The following NCOR2 variants were observed in gnomAD, a reference collection of about 807,000 sequenced individuals.
NCOR2 encodes CTG repeat protein 26.
In NCOR2, 81 loss-of-function variants were observed where a neutral mutation model predicts 262.9. The ratio of observed to expected loss-of-function variants is 0.31; its 90% CI spans 0.26 to 0.37. The LOEUF (loss-of-function observed/expected upper bound fraction) is 0.37, where lower values mean the gene tolerates loss of function less well. Ranked by LOEUF, NCOR2 falls within the 10% of genes least tolerant of loss-of-function variation. The pLI is 1.00. For synonymous variants in NCOR2, 1,659 were observed against 1,559.3 expected, an observed-to-expected ratio of 1.06 and a Z score of -1.51; for missense variants, 3,385 against 3,621.4, an observed-to-expected ratio of 0.93 and a Z score of 1.68.
At position 124,400,429 on chromosome 12, in the gene NCOR2, A is replaced by C. The variant is rs576746367; in HGVS notation, c.1813+72T>G. ...GTTGCCAATTAACTCAAATTGCACG[A>C]AACTTTCATATGAGCGCAACCCGCC... On this transcript the variant is annotated intron_variant, in intron 15 of 46. Transcript: ENST00000405201. 4.6e-4 allele frequency: 718 copies of C among 1,563,996 alleles called. 6 individuals carry two copies. The South Asian group carries it at 6.4e-3, about 14-fold the overall frequency.
rs2036996815 is a variant in NCOR2 at position 124,347,115 on chromosome 12, T to A, written c.4073-265A>T. On this transcript the variant is annotated intron_variant, in intron 30 of 46. Coordinates refer to ENST00000405201, the Ensembl canonical transcript of NCOR2. ...TGGGTGCAGTAGCTCACGCCTGTAA[T>A]CCCAACACTCTGGGGGGCTGCGGCA... Among the ~76,000 whole-genome samples, 4 of 152,348 alleles carry A rather than the reference T, an allele frequency of 2.6e-5. No homozygotes were observed. In the South Asian group the frequency reaches 8.3e-4, roughly 32 times the overall value.
At chr12:124,415,543 C>T (rs1405859223) in intron 13 of NCOR2, among the ~76,000 whole-genome samples, 1 of 152,258 alleles carries the variant, frequency 6.6e-6, no homozygotes, top group Non-Finnish European at 1.5e-5. Flanking sequence ...CACGCCACCA[C>T]CTCCTTAGCA....
rs1007170279 is a variant in NCOR2 at position 124,482,498 on chromosome 12, C to T, written c.411+1098G>A. Among the ~76,000 whole-genome samples, 3 of 152,320 alleles carry T rather than the reference C, an allele frequency of 2.0e-5. No individual in the cohort carries two copies. The highest frequency in any genetic ancestry group is 2.1e-4 in the South Asian group (1 of 4,832). On this transcript the variant is annotated intron_variant, in intron 3 of 46. Transcript: ENST00000405201. This position sits in a 1 kb window ranked among gnomAD's most constrained non-coding sequence, Gnocchi z 6.3. The stretch of plus-strand genomic sequence containing the variant: ...CCAGACCACCACCCATGCCGGCTCA[C>T]GGGTGCCAAATAGTTCCCACGCATG...
chr12:124,407,850 C>T (rs1276019299), intron 13 of NCOR2, among the ~76,000 whole-genome samples: 1 of 152,190 alleles, frequency 6.6e-6, no homozygotes, highest in African/African-American at 2.4e-5. Context: ...CACCTCCTGG[C>T]AGTGTAGGGA....
chr12:124,470,217 C>G (rs566897046), intron 4 of NCOR2, among the ~76,000 whole-genome samples: 6 of 150,084 alleles, frequency 4.0e-5, no homozygotes, highest in African/African-American at 1.2e-4. Context: ...TGTGGAAAAC[C>G]AGGAAACCAG....
At chr12:124,438,148 C>T in intron 7 of NCOR2, 152 bp from the exon 10 acceptor site, 1 of 699,648 alleles carries the variant, frequency 1.4e-6, no homozygotes, top group South Asian at 1.8e-5. Context: ...CCCAGAGAGA[C>T]CTGTGAGCTG....
At chr12:124,490,137 G>A (rs1388789393) in intron 1 of NCOR2, among the ~76,000 whole-genome samples, 1 of 152,076 alleles carries the variant, frequency 6.6e-6, no homozygotes, top group Non-Finnish European at 1.5e-5. Context: ...CTGCTGCCTG[G>A]AACATTCCTC....
chr12:124,483,634 C>G lies in NCOR2; in HGVS notation c.373G>C (p.Ala125Pro). The G allele has an allele frequency of 6.2e-7, 1 of 1,609,506 alleles. No individual in the cohort carries two copies. The highest frequency in any genetic ancestry group is 1.1e-5 in the South Asian group (1 of 90,238). ...TCAGATCCCGCAGGCTGGCCCGTGG[C>G]CAGCAGGGGTGACGGTCGCAGCAGG... Residue 125 changes from alanine (A) to proline (P), a missense_variant, in exon 3 of 47, where the codon GCC (alanine) becomes CCC (proline). Ala to Pro is a conservative substitution (Grantham distance 27). This residue lies in a region of NCOR2 where 237 missense variants were observed against 229.4 expected (regional missense o/e 1.03). Transcript: ENST00000405201. The surrounding 1 kb of genome is among the most constrained non-coding windows in gnomAD (Gnocchi z 6.3).
At chr12:124,355,390 TAAG>T (rs756248100) in intron 24 of NCOR2, 39 bp downstream of exon 26, 73 of 1,604,470 alleles carry the variant, frequency 4.5e-5, no homozygotes, top group Non-Finnish European at 5.2e-5. Context: ...ACTTTACAGA[TAAG>T]AAGACTAAGC....
chr12:124,423,635 C>T (rs922710389), intron 11 of NCOR2, among the ~76,000 whole-genome samples: 1 of 152,184 alleles, frequency 6.6e-6, no homozygotes, highest in Non-Finnish European at 1.5e-5. Flanking sequence ...CTTTCCTCTC[C>T]GCTCCCTCTC....
intron 1 of NCOR2, among the ~76,000 whole-genome samples, chr12:124,501,172 C>T (rs770925794): frequency 7.9e-5 from 12 of 152,052 alleles, no homozygotes; most frequent in Non-Finnish European, 1.3e-4. Context: ...TGGGCGGAAC[C>T]ACGGCGGGAA....
intron 43 of NCOR2, among the ~76,000 whole-genome samples, 189 bp from the exon 46 acceptor site, chr12:124,331,087 G>A (rs1299151210): frequency 6.9e-6 from 1 of 144,454 alleles, no homozygotes; most frequent in Non-Finnish European, 1.5e-5. Context: ...TTTTGAGATA[G>A]AGTCTCGCTC....
In NCOR2 at chr12:124,466,216, G is replaced by A. The variant is rs1248969966; in HGVS notation, c.662C>T (p.Ser221Leu). 9 of 1,610,502 alleles carry A rather than the reference G, an allele frequency of 5.6e-6. No homozygotes were observed. The East Asian group carries it at 6.7e-5, about 12-fold the overall frequency. The change falls in exon 5 of 47, where the codon TCG becomes TTG. Residue 221 changes from serine (S) to leucine (L), a missense_variant. Coordinates refer to ENST00000405201, the Ensembl canonical transcript of NCOR2. The stretch of plus-strand genomic sequence containing the variant: ...GATCTGCACCAGGCTGCGGTGCTTC[G>A]ACTCGATGGGCGGCGGTGACACGGG...
intron 5 of NCOR2, among the ~76,000 whole-genome samples, chr12:124,460,560 AC>A: frequency 6.6e-6 from 1 of 152,334 alleles, no homozygotes; most frequent in Non-Finnish European, 1.5e-5. Flanking sequence ...TTCCAAGGAC[AC>A]GGAGTCCTCT....
Position 124,333,856 on chromosome 12 carries a change from A to ATGTG in NCOR2, c.6605+564_6605+567dup, listed in dbSNP as rs56104621. Among the ~76,000 whole-genome samples, 41 of 121,296 alleles carry ATGTG rather than the reference A, an allele frequency of 3.4e-4. 2 individuals are homozygous for ATGTG. The highest frequency in any genetic ancestry group is 2.9e-4 in the Non-Finnish European group (15 of 51,330). 79.6% of individuals were successfully genotyped at this position (121,296 alleles called of 152,430 possible). ...CGGGTGCGCCTGTGTGCGGGTGTGC[A>ATGTG]TGTGTGTGTGCGCATGTGTGCGGGT... On this transcript the variant is annotated intron_variant, in intron 41 of 46. Coordinates refer to ENST00000405201, the Ensembl canonical transcript of NCOR2.
intron 5 of NCOR2, among the ~76,000 whole-genome samples, chr12:124,460,178 A>G (rs939010428): frequency 2.0e-5 from 3 of 152,310 alleles, no homozygotes; most frequent in East Asian, 1.9e-4. Context: ...TGAGGACTCC[A>G]TGAGGAGCAA....
rs2040161251 is a variant in NCOR2, at chr12:124,378,109, A to C, written c.2167+128T>G. Reference sequence around the variant, plus strand: ...CAGGCCCGCACCTTCCAGGGAGTCGAGGCCCCTTCTAAGGAGGACCCAGAT... The same window carrying C: ...CAGGCCCGCACCTTCCAGGGAGTCGCGGCCCCTTCTAAGGAGGACCCAGAT... On this transcript the variant is annotated intron_variant, in intron 18 of 46. Coordinates refer to ENST00000405201, the Ensembl canonical transcript of NCOR2. The surrounding 1 kb of genome is among the most constrained non-coding windows in gnomAD (Gnocchi z 4.2). The C allele has an allele frequency of 6.0e-6, 9 of 1,500,280 alleles. No homozygotes were observed. In the Admixed American group the frequency reaches 2.0e-4, roughly 34 times the overall value. The allele number at this position is 1,500,280 out of a possible 1,614,324, so 92.9% of individuals were successfully genotyped here.
chr12:124,390,552 T>A (rs2041230973), intron 16 of NCOR2, among the ~76,000 whole-genome samples: 1 of 143,456 alleles, frequency 7.0e-6, no homozygotes, highest in Admixed American at 7.2e-5. Flanking sequence ...ATTAGCTCCC[T>A]CGTCCCACTG....
chr12:124,558,116 T>C (rs1229181200), intron 1 of NCOR2, among the ~76,000 whole-genome samples: 4 of 151,882 alleles, frequency 2.6e-5, no homozygotes, highest in Non-Finnish European at 5.9e-5. Context: ...TGCTCCCTGA[T>C]GGTCTCAGCA....
Sources: gnomAD v4.1 joint callset for allele counts (sites outside exome capture counted in the v4.1 genomes callset) on GRCh38, gnomAD v4.1.1 for gene constraint, gnomAD v4.1.1 regional missense constraint, Gnocchi (gnomAD v3.1) non-coding constraint, MANE v1.5 for transcripts, NCBI Gene and HGNC (gene_info 2026-07-23, HGNC 2026-07-21) for gene names.